Variants in TGFBR1 observed in about 807,000 individuals in gnomAD.
TGFBR1 encodes TGF-beta receptor type-1.
In TGFBR1, 20 loss-of-function variants were observed where a neutral mutation model predicts 55.1. The ratio of observed to expected loss-of-function variants is 0.36; its 90% CI spans 0.26 to 0.53. The LOEUF is 0.53. TGFBR1 is among the 20% of genes least tolerant of loss of function. TGFBR1 has a pLI of 0.91. For missense variants in TGFBR1, 385 were observed against 617.6 expected, an observed-to-expected ratio of 0.62 and a Z score of 3.99; for synonymous variants, 220 against 214.8, an observed-to-expected ratio of 1.02 and a Z score of -0.21.
chr9:99,109,577 A>G (rs1328603904), intron 1 of TGFBR1, among the ~76,000 whole-genome samples: 1 of 152,216 alleles, frequency 6.6e-6, no homozygotes, highest in East Asian at 1.9e-4. Flanking sequence ...TGTGTAATAA[A>G]TGGAATTTTG....
chr9:99,142,422 G>A lies in TGFBR1; in HGVS notation c.806-114G>A, dbSNP rs557714844. 5 of 1,099,324 alleles carry A rather than the reference G, an allele frequency of 4.5e-6. No homozygotes were observed. The African/African-American group carries it at 7.7e-5, about 17-fold the overall frequency. 68.1% of individuals were successfully genotyped at this position (1,099,324 alleles called of 1,614,324 possible). A position where few individuals can be genotyped will look rare whatever the true frequency, so the allele number is the denominator to read the frequency against. On this transcript the variant is annotated intron_variant, in intron 4 of 8. Coordinates refer to ENST00000374994, the MANE Select transcript of TGFBR1 (RefSeq NM_004612.4). ...AATGTGAAGGAAATACAGACTTAAG[G>A]TGGCATTATATTGCAGTGTGTGACT...
intron 1 of TGFBR1, among the ~76,000 whole-genome samples, chr9:99,121,592 T>G (rs992108089): frequency 6.6e-6 from 1 of 152,132 alleles, no homozygotes; most frequent in Admixed American, 6.6e-5. Context: ...TGAAAGTTTT[T>G]TTTAAATAAC....
intron 1 of TGFBR1, among the ~76,000 whole-genome samples, chr9:99,126,428 T>G (rs188138849): frequency 3.3e-5 from 5 of 152,338 alleles, no homozygotes; most frequent in South Asian, 2.1e-4. Flanking sequence ...TCAAGTGCTG[T>G]GACCATTAGT....
chr9:99,117,703 T>A (rs1362366270), intron 1 of TGFBR1, among the ~76,000 whole-genome samples: 1 of 152,214 alleles, frequency 6.6e-6, no homozygotes, highest in East Asian at 1.9e-4. Context: ...GTTTGCCCAT[T>A]TGTCCTTGTG....
rs80265713 is a variant in TGFBR1, at chr9:99,128,446, G to A, written c.98-409G>A. 6.9e-3 allele frequency among the ~76,000 whole-genome samples: 1,011 copies of A among 146,734 alleles called. 5 individuals carry two copies. Among genetic ancestry groups the A allele is most frequent in the Non-Finnish European group, 0.011 (711 of 67,298 alleles). On this transcript the variant is annotated intron_variant, in intron 1 of 8. Coordinates refer to ENST00000374994, the MANE Select transcript of TGFBR1 (RefSeq NM_004612.4). ...TTTCACACATTGCTTCTCAAAGGAG[G>A]AGTATGTGAATGTTTAGTTTGGGCC...
At chr9:99,122,674 A>G (rs148410767) in intron 1 of TGFBR1, among the ~76,000 whole-genome samples, 119 of 152,298 alleles carry the variant, frequency 7.8e-4, no homozygotes, top group African/African-American at 2.7e-3. Context: ...TTATTCTGCA[A>G]TATTTGGAAA....
chr9:99,119,125 T>TA (rs1367471524), intron 1 of TGFBR1, among the ~76,000 whole-genome samples: 1 of 152,206 alleles, frequency 6.6e-6, no homozygotes, highest in African/African-American at 2.4e-5. Context: ...GCTTTCTGCT[T>TA]CTAAAATTAC....
chr9:99,118,732 A>G (rs182425821), intron 1 of TGFBR1, among the ~76,000 whole-genome samples: 7 of 151,064 alleles, frequency 4.6e-5, no homozygotes, highest in Admixed American at 3.9e-4. Flanking sequence ...TGCAGCCTCA[A>G]ACTCCTGGGG....
At chr9:99,110,068 CCTT>C (rs1453098193) in intron 1 of TGFBR1, among the ~76,000 whole-genome samples, 5 of 152,094 alleles carry the variant, frequency 3.3e-5, no homozygotes, top group African/African-American at 4.8e-5. Flanking sequence ...TTATGGCTAC[CCTT>C]CTTCATCATG....
intron 1 of TGFBR1, among the ~76,000 whole-genome samples, chr9:99,112,652 T>C (rs985243473): frequency 6.6e-6 from 1 of 152,202 alleles, no homozygotes; most frequent in African/African-American, 2.4e-5. Flanking sequence ...TGTAAAGAGG[T>C]GGAGTACAGA....
At chr9:99,144,362 C>G (rs978296101) in intron 5 of TGFBR1, among the ~76,000 whole-genome samples, 2 of 152,088 alleles carry the variant, frequency 1.3e-5, no homozygotes, top group African/African-American at 2.4e-5. Flanking sequence ...GAGTACATTG[C>G]AGTTGATAGG....
chr9:99,124,850 A>C (rs925562827), intron 1 of TGFBR1, among the ~76,000 whole-genome samples: 4 of 152,154 alleles, frequency 2.6e-5, no homozygotes, highest in African/African-American at 9.7e-5. Context: ...TGACTTTTTC[A>C]AATTTACCGT....
At chr9:99,105,649 T>G (rs1588555522) in intron 1 of TGFBR1, among the ~76,000 whole-genome samples, 1 of 150,130 alleles carries the variant, frequency 6.7e-6, no homozygotes, top group Non-Finnish European at 1.5e-5. Flanking sequence ...GGGCGGAGAG[T>G]GCGAGGCCGG....
At chr9:99,126,190 A>G (rs1207363303) in intron 1 of TGFBR1, among the ~76,000 whole-genome samples, 2 of 152,170 alleles carry the variant, frequency 1.3e-5, no homozygotes, top group Non-Finnish European at 2.9e-5. Context: ...AGACATTATT[A>G]TTATAATGGT....
At chr9:99,121,650 C>T (rs1411801026) in intron 1 of TGFBR1, among the ~76,000 whole-genome samples, 1 of 152,080 alleles carries the variant, frequency 6.6e-6, no homozygotes, top group Admixed American at 6.6e-5. Flanking sequence ...GATCTGCTTT[C>T]AGCTGTAGTG....
intron 1 of TGFBR1, among the ~76,000 whole-genome samples, chr9:99,122,281 T>C (rs1296093780): frequency 6.6e-6 from 1 of 152,162 alleles, no homozygotes; most frequent in Non-Finnish European, 1.5e-5. Context: ...GTTTCGGTGC[T>C]AATTTTTATT....
intron 3 of TGFBR1, among the ~76,000 whole-genome samples, chr9:99,135,852 CTTTTTT>C (rs397954803): frequency 1.6e-5 from 2 of 125,950 alleles, no homozygotes; most frequent in Admixed American, 8.5e-5. Context: ...AAAATTGTTA[CTTTTTT>C]TTTTTTTTTT....
At chr9:99,127,767 C>T in intron 1 of TGFBR1, 1 of 363,872 alleles carries the variant, frequency 2.7e-6, no homozygotes, top group Non-Finnish European at 5.4e-6. Context: ...ATTCCTTTGC[C>T]AACAAGTAAT....
At chr9:99,107,266 G>A (rs977852171) in intron 1 of TGFBR1, among the ~76,000 whole-genome samples, 1 of 152,158 alleles carries the variant, frequency 6.6e-6, no homozygotes, top group Non-Finnish European at 1.5e-5. Context: ...TCTGAAAAAG[G>A]TCAAATGCTT....
Sources: allele counts gnomAD v4.1 joint callset (sites outside exome capture counted in the v4.1 genomes callset), GRCh38; gene constraint gnomAD v4.1.1; transcripts MANE v1.5; gene names NCBI Gene and HGNC (gene_info 2026-07-23, HGNC 2026-07-21).